Variants in NCK2 observed in about 807,000 individuals in gnomAD.
NCK2 encodes the protein NCK adaptor protein 2.
In NCK2, 16 loss-of-function variants were observed where a neutral mutation model predicts 33.9. The ratio of observed to expected loss-of-function variants is 0.47; its 90% CI spans 0.32 to 0.72. NCK2 has a LOEUF of 0.72. Among genes scored for constraint, NCK2 ranks in the 30% least tolerant of loss-of-function variants. NCK2 has a pLI of 0.03. For missense variants in NCK2, 418 were observed against 537.3 expected (o/e 0.78, Z 2.19); for synonymous variants, 273 against 239.9 (o/e 1.14, Z -1.27).
chr2:105,881,495 C>T lies in NCK2; in HGVS notation c.394C>T (p.Leu132=), dbSNP rs757980179. The T allele has an allele frequency of 6.2e-7, 1 of 1,613,876 alleles. No homozygotes were observed. The highest frequency in any genetic ancestry group is 1.3e-5 in the African/African-American group (1 of 74,944). ...GGCCGAGCGGGAGGATGAGTTGTCCCTGGTGAAGGGGTCGCGCGTCACCGT... is the reference window on the plus strand; with the variant it reads ...GGCCGAGCGGGAGGATGAGTTGTCCTTGGTGAAGGGGTCGCGCGTCACCGT... The part of the protein sequence containing the change: ...YVAEREDELS[L]VKGSRVTVME... Residue 132 remains leucine, a synonymous_variant, in exon 4 of 5, where the codon CTG becomes TTG. Coordinates refer to ENST00000233154, the MANE Select transcript of NCK2 (RefSeq NM_003581.5).
At chr2:105,872,556 C>T (rs544795842) in intron 3 of NCK2, among the ~76,000 whole-genome samples, 21 of 152,318 alleles carry the variant, frequency 1.4e-4, no homozygotes, top group Non-Finnish European at 2.5e-4. Flanking sequence ...TTCTCTATTT[C>T]ACTAGTCTGT....
At chr2:105,794,687 G>A (rs1691012510) in intron 1 of NCK2, among the ~76,000 whole-genome samples, 1 of 134,266 alleles carries the variant, frequency 7.4e-6, no homozygotes, top group South Asian at 2.5e-4. Flanking sequence ...AAAGTTAATA[G>A]TTTATTATTT....
intron 1 of NCK2, among the ~76,000 whole-genome samples, chr2:105,791,600 T>C (rs1690887030): frequency 6.6e-6 from 1 of 152,244 alleles, no homozygotes; most frequent in South Asian, 2.1e-4. Flanking sequence ...TCATTTAAAC[T>C]TCTCTAGAGC....
At chr2:105,882,536 C>T (rs1344862364) in intron 4 of NCK2, among the ~76,000 whole-genome samples, 1 of 152,132 alleles carries the variant, frequency 6.6e-6, no homozygotes, top group Non-Finnish European at 1.5e-5. Flanking sequence ...CGGCAGGCAG[C>T]GCCACTGAGT....
chr2:105,863,741 TG>T (rs1385246705), intron 3 of NCK2, among the ~76,000 whole-genome samples: 2 of 152,134 alleles, frequency 1.3e-5, no homozygotes, highest in Non-Finnish European at 2.9e-5. Context: ...CATGTAGCAT[TG>T]TGGGCAGGAG....
chr2:105,852,262 G>A (rs1052793625), intron 2 of NCK2, among the ~76,000 whole-genome samples: 7 of 152,234 alleles, frequency 4.6e-5, no homozygotes, highest in Middle Eastern at 6.8e-3. Context: ...TGGCAGGTGC[G>A]CATCACTGCT....
At chr2:105,774,072 A>C (rs1483606493) in intron 1 of NCK2, among the ~76,000 whole-genome samples, 1 of 150,276 alleles carries the variant, frequency 6.7e-6, no homozygotes, top group Non-Finnish European at 1.5e-5. Flanking sequence ...GCAGTGGCAC[A>C]ATCTTGGCTC....
At chr2:105,825,113 C>T (rs1675892552) in intron 2 of NCK2, among the ~76,000 whole-genome samples, 1 of 152,154 alleles carries the variant, frequency 6.6e-6, no homozygotes, top group South Asian at 2.1e-4. Context: ...CCTCTCCCTC[C>T]AGGCTTTGGA....
chr2:105,805,582 C>T (rs977318658), intron 1 of NCK2, among the ~76,000 whole-genome samples: 2 of 152,070 alleles, frequency 1.3e-5, no homozygotes, highest in African/African-American at 2.4e-5. Context: ...TTGTACCCAT[C>T]CACCAAAATC....
At chr2:105,782,974 C>T (rs1690550913) in intron 1 of NCK2, among the ~76,000 whole-genome samples, 1 of 152,180 alleles carries the variant, frequency 6.6e-6, no homozygotes, top group African/African-American at 2.4e-5. Context: ...CATAACAAGC[C>T]CCATTTGCAG....
chr2:105,819,120 T>C (rs1020545449), intron 2 of NCK2, among the ~76,000 whole-genome samples: 6 of 152,046 alleles, frequency 3.9e-5, no homozygotes, highest in Non-Finnish European at 8.8e-5. Flanking sequence ...CAGTCGGGGG[T>C]TGGCACTCAC....
At chr2:105,793,329 G>C (rs571543179) in intron 1 of NCK2, among the ~76,000 whole-genome samples, 1 of 152,308 alleles carries the variant, frequency 6.6e-6, no homozygotes, top group Admixed American at 6.5e-5. Context: ...TGGTCCTAGT[G>C]GGAGTGTCAT....
chr2:105,837,951 A>G (rs1039096234), intron 2 of NCK2, among the ~76,000 whole-genome samples: 1 of 152,200 alleles, frequency 6.6e-6, no homozygotes, highest in African/African-American at 2.4e-5. Context: ...AGGAGTTCTT[A>G]TATATTCAAC....
intron 3 of NCK2, among the ~76,000 whole-genome samples, chr2:105,871,894 A>G (rs1023234490): frequency 6.6e-6 from 1 of 152,194 alleles, no homozygotes; most frequent in South Asian, 2.1e-4. Flanking sequence ...AGGAAACTAC[A>G]TGACACCTGA....
intron 1 of NCK2, among the ~76,000 whole-genome samples, chr2:105,805,221 C>T (rs1423694291): frequency 6.6e-6 from 1 of 152,144 alleles, no homozygotes; most frequent in Non-Finnish European, 1.5e-5. Context: ...TTTGATTGCA[C>T]GATGGCATTG....
intron 1 of NCK2, among the ~76,000 whole-genome samples, chr2:105,778,329 G>T (rs1179540112): frequency 6.6e-6 from 1 of 152,208 alleles, no homozygotes; most frequent in African/African-American, 2.4e-5. Flanking sequence ...GAGCCTTCAG[G>T]ATCTGTTCTG....
chr2:105,884,363 A>G (rs1678634560), intron 4 of NCK2, among the ~76,000 whole-genome samples: 2 of 152,170 alleles, frequency 1.3e-5, no homozygotes, highest in Admixed American at 6.5e-5. Context: ...ATGATCTGAC[A>G]TAATTCCTTC....
chr2:105,862,658 G>A (rs1677585189), intron 3 of NCK2, among the ~76,000 whole-genome samples: 1 of 152,210 alleles, frequency 6.6e-6, no homozygotes, highest in Non-Finnish European at 1.5e-5. Context: ...GTTCAAGGGT[G>A]AGGTGATAGT....
chr2:105,845,262 G>GT (rs1225048723), intron 2 of NCK2, among the ~76,000 whole-genome samples: 1 of 152,166 alleles, frequency 6.6e-6, no homozygotes, highest in African/African-American at 2.4e-5. Flanking sequence ...TGTGCTTCTT[G>GT]TTTCAACCTT....
Sources: allele counts gnomAD v4.1 joint callset (sites outside exome capture counted in the v4.1 genomes callset), GRCh38; gene constraint gnomAD v4.1.1; transcripts MANE v1.5; gene names NCBI Gene and HGNC (gene_info 2026-07-23, HGNC 2026-07-21).